The following RYR3 variants were observed in gnomAD, a reference collection of about 807,000 sequenced individuals.
RYR3 encodes the protein ryanodine receptor 3.
In RYR3, 207 loss-of-function variants were observed where a neutral mutation model predicts 584.3. The observed-to-expected ratio is 0.35, with a 90% CI of 0.32 to 0.40. The LOEUF is 0.40. RYR3 is among the 10% of genes least tolerant of loss of function. The pLI, the probability that RYR3 is intolerant of heterozygous loss-of-function variation, is 1.00. For missense variants in RYR3, 5,616 were observed against 6,089.2 expected, an observed-to-expected ratio of 0.92 and a Z score of 2.59; for synonymous variants, 2,416 against 2,248.5, an observed-to-expected ratio of 1.07 and a Z score of -2.11.
chr15:33,569,041 T>C (rs2057875004), intron 12 of RYR3, among the ~76,000 whole-genome samples: 2 of 152,252 alleles, frequency 1.3e-5, no homozygotes, highest in Admixed American at 1.3e-4. Context: ...TGTGCGTGTA[T>C]GTGTGTGTAG....
intron 3 of RYR3, among the ~76,000 whole-genome samples, chr15:33,523,236 A>C (rs1189253864): frequency 1.3e-5 from 2 of 152,204 alleles, no homozygotes; most frequent in Middle Eastern, 3.2e-3. Flanking sequence ...AGGGAATAAA[A>C]GCTGGCCACC....
chr15:33,322,077 A>G (rs1969042617), intron 1 of RYR3, among the ~76,000 whole-genome samples: 1 of 152,236 alleles, frequency 6.6e-6, no homozygotes, highest in Non-Finnish European at 1.5e-5. Flanking sequence ...TTTATAGAGT[A>G]TAAAATGCTA....
intron 103 of RYR3, chr15:33,864,628 T>TTGTGACTAAATGTGAAAAAGAAA (rs1889815818): frequency 5.8e-6 from 1 of 173,458 alleles, no homozygotes; most frequent in Non-Finnish European, 1.2e-5. Flanking sequence ...GTGTCAAATT[T>TTGTGACTAAATGTGAAAAAGAAA]TGTGACTAAA....
At chr15:33,424,504 G>T (rs541092784) in intron 1 of RYR3, among the ~76,000 whole-genome samples, 209 of 152,314 alleles carry the variant, frequency 1.4e-3, no homozygotes, top group African/African-American at 4.9e-3. Context: ...TAGGTCGCTA[G>T]CCTTGTCTGC....
chr15:33,663,408 T>A (rs1224224296), intron 35 of RYR3, 129 bp from the exon 36 acceptor site: 7 of 741,042 alleles, frequency 9.4e-6, no homozygotes, highest in Non-Finnish European at 1.5e-5. Flanking sequence ...AAGATTTGAG[T>A]AACAGCTTTA....
intron 1 of RYR3, among the ~76,000 whole-genome samples, chr15:33,458,601 T>A (rs1291619546): frequency 6.6e-6 from 1 of 152,236 alleles, no homozygotes; most frequent in Non-Finnish European, 1.5e-5. Flanking sequence ...AACTTCTCAG[T>A]TCATTGTAAG....
intron 23 of RYR3, among the ~76,000 whole-genome samples, chr15:33,632,276 G>A (rs746356542): frequency 2.0e-5 from 3 of 152,180 alleles, no homozygotes; most frequent in Non-Finnish European, 4.4e-5. Context: ...TTCCCACATG[G>A]CCATGACAAT....
chr15:33,427,803 A>G (rs1406270238), intron 1 of RYR3, among the ~76,000 whole-genome samples: 2 of 152,372 alleles, frequency 1.3e-5, no homozygotes, highest in East Asian at 1.9e-4. Context: ...TTAGTCAGAC[A>G]CTAAAGGAGC....
chr15:33,860,346 G>C (rs1361182577), intron 100 of RYR3, among the ~76,000 whole-genome samples: 3 of 152,164 alleles, frequency 2.0e-5, no homozygotes, highest in African/African-American at 4.8e-5. Flanking sequence ...GGGAGAAGTA[G>C]AAAGGAAAGA....
rs1288397506 is a variant in RYR3 at position 33,635,677 on chromosome 15, A to G, written c.3239A>G (p.Tyr1080Cys). The G allele has an allele frequency of 1.2e-6, 2 of 1,613,916 alleles. No individual in the cohort carries two copies. Among genetic ancestry groups the G allele is most frequent in the Admixed American group, 1.7e-5 (1 of 60,010 alleles). Residue 1080 changes from tyrosine (Y) to cysteine (C), a missense_variant, in exon 26 of 104, where the codon TAT becomes TGT. Around this residue, in one of 9 missense-constraint regions of RYR3, gnomAD observed 1,284 missense variants for 1,344.6 expected, o/e 0.95. Transcript: ENST00000634891. ...CGATTTTTCCGGGTAGAGCGATCTT[A>G]TGCAGTGAGATCTGGAAAGTGGTAT... Reference protein sequence around the residue: ...KIRFFRVERSYAVRSGKWYFE... With the variant: ...KIRFFRVERSCAVRSGKWYFE...
rs193102223 is a variant in RYR3, at chr15:33,683,590, G to C, written c.5861-12628G>C. 5.5e-3 allele frequency among the ~76,000 whole-genome samples: 836 copies of C among 152,312 alleles called. 4 individuals carry two copies. The highest frequency in any genetic ancestry group is 0.025 in the South Asian group (121 of 4,826). On this transcript the variant is annotated intron_variant, in intron 38 of 103. Coordinates refer to ENST00000634891, the MANE Select transcript of RYR3 (RefSeq NM_001036.6). ...TTGACACAGAAGACGGGTGATTTCTGCATTTCCAGATGAGGTACCTGGTTC... is the reference window on the plus strand; with the variant it reads ...TTGACACAGAAGACGGGTGATTTCTCCATTTCCAGATGAGGTACCTGGTTC...
chr15:33,337,006 G>A (rs143594472), intron 1 of RYR3, among the ~76,000 whole-genome samples: 1 of 126,042 alleles, frequency 7.9e-6, no homozygotes, highest in African/African-American at 3.0e-5. Context: ...TGCATGAGCC[G>A]AGATAGTGCC....
In RYR3 at chr15:33,838,318, A is replaced by T. The variant is rs781033822; in HGVS notation, c.12338A>T (p.Glu4113Val). The change falls in exon 89 of 104, where the codon GAG (glutamate) becomes GTG (valine). Residue 4113 changes from glutamate (E) to valine (V), a missense_variant. By Grantham distance (121) the Glu-to-Val change is moderately radical. Transcript: ENST00000634891. ...TCCGATTCAGCTGACAGGCCAGAAG[A>T]GGAGGAAGAAGATGAAGATTCTTCT... ...SESDSADRPE[E>V]EEEDEDSSYV... The T allele has an allele frequency of 9.9e-6, 16 of 1,613,878 alleles. No homozygotes were observed. Among genetic ancestry groups the T allele is most frequent in the Middle Eastern group, 1.6e-4 (1 of 6,084 alleles).
At chr15:33,764,663 G>A (rs1253011794) in intron 60 of RYR3, among the ~76,000 whole-genome samples, 3 of 151,710 alleles carry the variant, frequency 2.0e-5, no homozygotes, top group Non-Finnish European at 4.4e-5. Context: ...AAGTGAACAC[G>A]TAACACTGTG....
intron 28 of RYR3, 137 bp from the exon 29 acceptor site, chr15:33,646,214 G>A: frequency 1.5e-6 from 1 of 661,170 alleles, no homozygotes; most frequent in Non-Finnish European, 2.6e-6. Context: ...GAGAATCATA[G>A]TTTGGTTATC....
Position 33,837,828 on chromosome 15 carries a change from G to A in RYR3, c.11848G>A (p.Gly3950Arg). Residue 3950 changes from glycine to arginine, a missense_variant, in exon 89 of 104, where the codon GGG becomes AGG. Transcript: ENST00000634891. ...SKKEFQKAME[G>R]QKQYTQSEID... ...AAAAGAATTCCAGAAGGCCATGGAA[G>A]GGCAAAAACAGTACACGCAGTCAGA... 6.2e-7 allele frequency: 1 copy of A among 1,613,964 alleles called. No individual in the cohort carries two copies. Among genetic ancestry groups the A allele is most frequent in the Non-Finnish European group, 8.5e-7 (1 of 1,179,884 alleles).
Position 33,371,074 on chromosome 15 carries a change from T to C in RYR3, c.51+59978T>C, listed in dbSNP as rs182221373. Among the ~76,000 whole-genome samples, 34 of 152,356 alleles carry C rather than the reference T, an allele frequency of 2.2e-4. 1 individual carries two copies. In the East Asian group the frequency reaches 6.2e-3, roughly 28 times the overall value. On this transcript the variant is annotated intron_variant, in intron 1 of 103. Coordinates refer to ENST00000634891, the MANE Select transcript of RYR3 (RefSeq NM_001036.6). ...AAGACAAATCATTATTTTTATTTCA[T>C]ATTTATTTTGTAACATATTTAGCAA...
chr15:33,794,105 AATATAATATACATAAATATATATTTAT>A (rs1310590769), intron 67 of RYR3, among the ~76,000 whole-genome samples: 6 of 28,384 alleles, frequency 2.1e-4, no homozygotes, highest in Admixed American at 9.8e-4. Flanking sequence ...ATATTATATA[AATATAATATACATAAATATATATTTAT>A]ATATAATATA....
At chr15:33,768,271 T>C (rs976427113) in intron 60 of RYR3, among the ~76,000 whole-genome samples, 1 of 152,238 alleles carries the variant, frequency 6.6e-6, no homozygotes, top group Non-Finnish European at 1.5e-5. Context: ...TTGCAATCCA[T>C]TGCAACAAGG....
Sources: gnomAD v4.1 joint callset for allele counts (sites outside exome capture counted in the v4.1 genomes callset) on GRCh38, gnomAD v4.1.1 for gene constraint, gnomAD v4.1.1 regional missense constraint, MANE v1.5 for transcripts, NCBI Gene and HGNC (gene_info 2026-07-23, HGNC 2026-07-21) for gene names.